The following MFSD6 variants were observed in gnomAD, a reference collection of about 807,000 sequenced individuals.
The protein encoded by MFSD6 is major facilitator superfamily domain containing 6, also known as major facilitator superfamily domain-containing protein 6.
A neutral mutation model predicts 56.3 loss-of-function variants in MFSD6; 26 were observed. The ratio of observed to expected loss-of-function variants is 0.46; its 90% confidence interval spans 0.34 to 0.64. The LOEUF (loss-of-function observed/expected upper bound fraction) is 0.64, where lower values mean the gene tolerates loss of function less well. Among genes scored for constraint, MFSD6 ranks in the 30% least tolerant of loss-of-function variants. MFSD6 has a pLI of 0.01. For missense variants in MFSD6, 750 were observed against 986.2 expected (o/e 0.76, Z 3.21); for synonymous variants, 331 against 366.9 (o/e 0.90, Z 1.12).
chr2:190,463,858 A>G lies in MFSD6; in HGVS notation c.1533-5900A>G. ...TAAATAAAATAAAAATAAAAAGCTG[A>G]GAATGATGGAGCCCAATCTAAGGGC... On this transcript the variant is annotated intron_variant, in intron 3 of 7. Coordinates refer to ENST00000392328, the MANE Select transcript of MFSD6 (RefSeq NM_017694.4). This position sits in a 1 kb window ranked among gnomAD's most constrained non-coding sequence, Gnocchi z 4.4. 1.0e-6 allele frequency: 1 copy of G among 980,404 alleles called. No individual in the cohort carries two copies. Among genetic ancestry groups the G allele is most frequent in the Non-Finnish European group, 1.2e-6 (1 of 825,440 alleles). The allele number at this position is 980,404 out of a possible 1,614,324, so 60.7% of individuals were successfully genotyped here.
Position 190,499,406 on chromosome 2 carries a change from G to A in MFSD6, c.2173-609G>A, listed in dbSNP as rs929016009. ...ATGGCATTTATGGAAATTGCTGCTG[G>A]TGATGTTCTACTCATGGTTATTTAC... On this transcript the variant is annotated intron_variant, in intron 7 of 7. Transcript: ENST00000392328. This position sits in a 1 kb window ranked among gnomAD's most constrained non-coding sequence, Gnocchi z 6.0. Among the ~76,000 whole-genome samples, 1 of 152,110 alleles carries A rather than the reference G, an allele frequency of 6.6e-6. No homozygotes were observed. Among genetic ancestry groups the A allele is most frequent in the African/African-American group, 2.4e-5 (1 of 41,414 alleles).
In MFSD6 at chr2:190,462,338, G is replaced by A. The variant is rs566264204; in HGVS notation, c.1533-7420G>A. 1.3e-5 allele frequency among the ~76,000 whole-genome samples: 2 copies of A among 152,270 alleles called. No homozygotes were observed. Among genetic ancestry groups the A allele is most frequent in the South Asian group, 4.2e-4 (2 of 4,814 alleles). ...TGGCATTTAGCACCCAAGCGTCAGG[G>A]ATTTTAAACATCCCACAGTGAATGG... On this transcript the variant is annotated intron_variant, in intron 3 of 7. Coordinates refer to ENST00000392328, the MANE Select transcript of MFSD6 (RefSeq NM_017694.4). This position sits in a 1 kb window ranked among gnomAD's most constrained non-coding sequence, Gnocchi z 5.7.
rs1454593366 is a variant in MFSD6 at position 190,490,336 on chromosome 2, G to C, written c.1891+470G>C. 6.6e-6 allele frequency among the ~76,000 whole-genome samples: 1 copy of C among 151,942 alleles called. No individual in the cohort carries two copies. Among genetic ancestry groups the C allele is most frequent in the East Asian group, 1.9e-4 (1 of 5,190 alleles). On this transcript the variant is annotated intron_variant, in intron 6 of 7. Coordinates refer to ENST00000392328, the MANE Select transcript of MFSD6 (RefSeq NM_017694.4). The surrounding 1 kb of genome is among the most constrained non-coding windows in gnomAD (Gnocchi z 4.5). ...CCCAACACTTTGGGAGGCCGAGGCG[G>C]GTGGATCACGAGGTTAGGAGATCAA... is the stretch of plus-strand genomic sequence containing the variant.
chr2:190,479,614 A>T (rs1051075656), intron 4 of MFSD6, among the ~76,000 whole-genome samples: 1 of 152,182 alleles, frequency 6.6e-6, no homozygotes, highest in Non-Finnish European at 1.5e-5. Context: ...GTTGGTTGCA[A>T]ATCCTTGCAA....
chr2:190,454,839 G>A lies in MFSD6; in HGVS notation c.1533-14919G>A, dbSNP rs1686929377. ...AAGAGTCAGAAGACACTAGAATAGG[G>A]ACCTATGGCCTAACATAGTGGGATG... is the stretch of plus-strand genomic sequence containing the variant. On this transcript the variant is annotated intron_variant, in intron 3 of 7. Coordinates refer to ENST00000392328, the MANE Select transcript of MFSD6 (RefSeq NM_017694.4). The surrounding 1 kb of genome is among the most constrained non-coding windows in gnomAD (Gnocchi z 4.6). Among the ~76,000 whole-genome samples the A allele has an allele frequency of 6.6e-6, 1 of 152,074 alleles. No homozygotes were observed. The highest frequency in any genetic ancestry group is 1.5e-5 in the Non-Finnish European group (1 of 68,018).
intron 3 of MFSD6, among the ~76,000 whole-genome samples, chr2:190,442,344 T>C (rs1020008971): frequency 4.6e-5 from 7 of 152,110 alleles, no homozygotes; most frequent in Non-Finnish European, 7.4e-5. Flanking sequence ...GGGAAGCGTG[T>C]TGGAAAAAAC....
In MFSD6 at chr2:190,438,135, C is replaced by A. The variant is rs1209944587; in HGVS notation, c.1532+574C>A. On this transcript the variant is annotated intron_variant, in intron 3 of 7. Coordinates refer to ENST00000392328, the MANE Select transcript of MFSD6 (RefSeq NM_017694.4). The surrounding 1 kb of genome is among the most constrained non-coding windows in gnomAD (Gnocchi z 5.2). ...TTTTGGGTTATTACATGACTCCCTG[C>A]ATTTCTGTCCACCATGAAGACATAG... Among the ~76,000 whole-genome samples, 1 of 151,962 alleles carries A rather than the reference C, an allele frequency of 6.6e-6. No individual in the cohort carries two copies. The highest frequency in any genetic ancestry group is 1.9e-4 in the East Asian group (1 of 5,184).
rs935607238 is a variant in MFSD6 at position 190,426,809 on chromosome 2, T to G, written c.-53-9168T>G. Among the ~76,000 whole-genome samples the G allele has an allele frequency of 2.0e-5, 3 of 150,786 alleles. No homozygotes were observed. The highest frequency in any genetic ancestry group is 7.4e-5 in the African/African-American group (3 of 40,404). On this transcript the variant is annotated intron_variant, in intron 2 of 7. Coordinates refer to ENST00000392328, the MANE Select transcript of MFSD6 (RefSeq NM_017694.4). This position sits in a 1 kb window ranked among gnomAD's most constrained non-coding sequence, Gnocchi z 4.7. ...ATTTTTTATTGAAAGCAAGATGTTT[T>G]GGGTATTATTTTATGAGACTGTGGA... is the stretch of plus-strand genomic sequence containing the variant.
At chr2:190,486,410 CT>C (rs1689011170) in intron 4 of MFSD6, among the ~76,000 whole-genome samples, 1 of 152,184 alleles carries the variant, frequency 6.6e-6, no homozygotes, top group Non-Finnish European at 1.5e-5. Flanking sequence ...ATGATGCTAT[CT>C]CCTCTCTGGC....
At chr2:190,444,334 GGTAC>G (rs1226187782) in intron 3 of MFSD6, among the ~76,000 whole-genome samples, 3 of 152,164 alleles carry the variant, frequency 2.0e-5, no homozygotes, top group African/African-American at 7.2e-5. Flanking sequence ...TTTTCACAGA[GGTAC>G]GAAGATTCCA....
At chr2:190,411,462 G>GT in intron 1 of MFSD6, 1 of 985,328 alleles carries the variant, frequency 1.0e-6, no homozygotes, top group Non-Finnish European at 1.2e-6. Context: ...CCAGCCGACA[G>GT]TGGCTATCTT....
Position 190,434,426 on chromosome 2 carries a change from T to C in MFSD6, c.-53-1551T>C, listed in dbSNP as rs1354974315. Among the ~76,000 whole-genome samples, 1 of 152,104 alleles carries C rather than the reference T, an allele frequency of 6.6e-6. No individual in the cohort carries two copies. The highest frequency in any genetic ancestry group is 1.5e-5 in the Non-Finnish European group (1 of 68,024). On this transcript the variant is annotated intron_variant, in intron 2 of 7. Coordinates refer to ENST00000392328, the MANE Select transcript of MFSD6 (RefSeq NM_017694.4). The surrounding 1 kb of genome is among the most constrained non-coding windows in gnomAD (Gnocchi z 4.3). ...TAATATCGTATATGAAAAACATTTA[T>C]TTATTTTATTTTATTTATTTATTTT...
rs1164882998 is a variant in MFSD6, at chr2:190,458,125, T to C, written c.1533-11633T>C. On this transcript the variant is annotated intron_variant, in intron 3 of 7. Coordinates refer to ENST00000392328, the MANE Select transcript of MFSD6 (RefSeq NM_017694.4). This position sits in a 1 kb window ranked among gnomAD's most constrained non-coding sequence, Gnocchi z 5.3. ...TCTGGAAAAAAATACTGGCATTCTT[T>C]ACTCAAGTTTGCTTGATGTTGGAGT... Among the ~76,000 whole-genome samples the C allele has an allele frequency of 6.6e-6, 1 of 152,188 alleles. No individual in the cohort carries two copies. Among genetic ancestry groups the C allele is most frequent in the Non-Finnish European group, 1.5e-5 (1 of 68,026 alleles).
At chr2:190,432,226 G>T (rs1218634573) in intron 2 of MFSD6, among the ~76,000 whole-genome samples, 10 of 152,184 alleles carry the variant, frequency 6.6e-5, no homozygotes, top group Non-Finnish European at 4.4e-5. Flanking sequence ...TAGAGAAGAG[G>T]CTTTAACTTT....
intron 2 of MFSD6, among the ~76,000 whole-genome samples, chr2:190,429,202 A>G (rs2125024760): frequency 6.7e-6 from 1 of 149,718 alleles, no homozygotes; most frequent in South Asian, 2.1e-4. Context: ...ATAAATTTTT[A>G]TATATCTGTA....
Position 190,495,826 on chromosome 2 carries a change from G to A in MFSD6, c.1892-1613G>A, listed in dbSNP as rs7600297. ...TGAAACTGGATCCTCATTTCTCACC[G>A]TATAAAAAAATCAACTCAAGATGGA... On this transcript the variant is annotated intron_variant, in intron 6 of 7. Coordinates refer to ENST00000392328, the MANE Select transcript of MFSD6 (RefSeq NM_017694.4). The surrounding 1 kb of genome is among the most constrained non-coding windows in gnomAD (Gnocchi z 4.7). Among the ~76,000 whole-genome samples, 4 of 152,114 alleles carry A rather than the reference G, an allele frequency of 2.6e-5. No individual in the cohort carries two copies. Among genetic ancestry groups the A allele is most frequent in the Non-Finnish European group, 4.4e-5 (3 of 68,028 alleles).
intron 3 of MFSD6, among the ~76,000 whole-genome samples, chr2:190,466,640 A>C (rs974914331): frequency 6.6e-6 from 1 of 152,220 alleles, no homozygotes; most frequent in Non-Finnish European, 1.5e-5. Flanking sequence ...TCATTTTCAC[A>C]ACAAACCTAC....
At chr2:190,421,279 A>G (rs1295966884) in intron 2 of MFSD6, among the ~76,000 whole-genome samples, 2 of 152,230 alleles carry the variant, frequency 1.3e-5, no homozygotes, top group Non-Finnish European at 2.9e-5. Context: ...ATAATTAATT[A>G]AAGTTCACTC....
chr2:190,412,753 T>A lies in MFSD6; in HGVS notation c.-175-2539T>A. 2.9e-6 allele frequency: 1 copy of A among 347,798 alleles called. No individual in the cohort carries two copies. The highest frequency in any genetic ancestry group is 4.0e-6 in the Non-Finnish European group (1 of 247,148). The allele number at this position is 347,798 out of a possible 1,614,324, so 21.5% of individuals were successfully genotyped here. ...CTTGTGTCAGCCTGATTTGTTTTCC[T>A]AAATTCTGAATGATACGTTATCCAG... On this transcript the variant is annotated intron_variant, in intron 1 of 7. Coordinates refer to ENST00000392328, the MANE Select transcript of MFSD6 (RefSeq NM_017694.4). The surrounding 1 kb of genome is among the most constrained non-coding windows in gnomAD (Gnocchi z 4.1).
Sources: allele counts gnomAD v4.1 joint callset (sites outside exome capture counted in the v4.1 genomes callset), GRCh38; gene constraint gnomAD v4.1.1; non-coding constraint Gnocchi (gnomAD v3.1); transcripts MANE v1.5; gene names NCBI Gene and HGNC (gene_info 2026-07-23, HGNC 2026-07-21).